Variants in KRT5 observed in about 807,000 individuals in gnomAD.
KRT5 encodes keratin, type II cytoskeletal 5.
A neutral mutation model predicts 44.0 loss-of-function variants in KRT5; 17 were observed. The observed-to-expected ratio is 0.39, with a 90% CI of 0.26 to 0.58. The LOEUF is 0.58. KRT5 is among the 20% of genes least tolerant of loss of function. The probability of loss-of-function intolerance (pLI) is 0.61; values close to 1 mark genes in which losing one functional copy is unlikely to be tolerated. For missense variants in KRT5, 737 were observed against 785.5 expected (o/e 0.94, Z 0.74); for synonymous variants, 329 against 312.8 (o/e 1.05, Z -0.55).
In KRT5 at chr12:52,515,040, G is replaced by A. The variant is rs754242209; in HGVS notation, c.1675C>T (p.Arg559Ter). 82 of 1,300,486 alleles carry A rather than the reference G, an allele frequency of 6.3e-5. No homozygotes were observed. The highest frequency in any genetic ancestry group is 7.5e-5 in the Non-Finnish European group (72 of 965,488). The allele number at this position is 1,300,486 out of a possible 1,614,324, so 80.6% of individuals were successfully genotyped here. A position where few individuals can be genotyped will look rare whatever the true frequency, so the allele number is the denominator to read the frequency against. ...CTGCCAAAGCCCACCCCCAGCCCTC[G>A]GCCACTGCTTGCACTGAAGCCAGAG... The part of the protein sequence containing the change: ...GGSGFSASSG[R>*]GLGVGFGSGG... The change falls in exon 9 of 9, where the codon CGA (arginine) becomes TGA (stop). Residue 559 changes from arginine to a stop codon, truncating the protein, a stop_gained. Transcript: ENST00000252242. LOFTEE classifies it high-confidence loss of function.
At chr12:52,517,002 G>T in intron 6 of KRT5, 105 bp downstream of exon 6, 1 of 1,507,452 alleles carries the variant, frequency 6.6e-7, no homozygotes, top group Non-Finnish European at 9.2e-7. Context: ...CACTGGTACT[G>T]GATCTAGCTG....
At chr12:52,518,887 C>T in intron 2 of KRT5, 59 bp downstream of exon 2, 1 of 1,602,630 alleles carries the variant, frequency 6.2e-7, no homozygotes, top group Non-Finnish European at 8.5e-7. Flanking sequence ...AGTAACAAAG[C>T]CCATCTGGTA....
intron 2 of KRT5, 109 bp downstream of exon 2, chr12:52,518,837 T>C (rs1199371896): frequency 7.7e-7 from 1 of 1,296,590 alleles, no homozygotes. Flanking sequence ...CCATGGAAGG[T>C]ATATCCTCCC....
intron 8 of KRT5, 94 bp from the exon 9 acceptor site, chr12:52,515,334 C>T: frequency 1.3e-6 from 2 of 1,540,828 alleles, no homozygotes; most frequent in South Asian, 2.2e-5. Flanking sequence ...GAGCACTCTA[C>T]TGGACCCCCT....
chr12:52,519,724 C>T lies in KRT5; in HGVS notation c.555+18G>A. 2 of 1,611,308 alleles carry T rather than the reference C, an allele frequency of 1.2e-6. No homozygotes were observed. The highest frequency in any genetic ancestry group is 1.7e-6 in the Non-Finnish European group (2 of 1,177,598). On this transcript the variant is annotated intron_variant, in intron 1 of 8. Transcript: ENST00000252242. Reference sequence around the variant, plus strand: ...ATTTCAGACCCACAGTGATTTTTTACAAAAGATCGTAGCTCACCTTGTCGA... The same window carrying T: ...ATTTCAGACCCACAGTGATTTTTTATAAAAGATCGTAGCTCACCTTGTCGA...
In KRT5 at chr12:52,516,703, T is replaced by G; in HGVS notation, c.1373A>C (p.Asn458Thr). The change falls in exon 7 of 9, where the codon AAC becomes ACC. Residue 458 changes from asparagine to threonine, a missense_variant. Asn to Thr is a moderately conservative substitution (Grantham distance 65). This residue lies in a region of KRT5 where 344 missense variants were observed against 351.6 expected (regional missense o/e 0.98). Coordinates refer to ENST00000252242, the MANE Select transcript of KRT5 (RefSeq NM_000424.4). ...RLLREYQELM[N>T]TKLALDVEIA... ...CTCCACGTCCAGGGCCAGCTTGGTG[T>G]TCATGAGCTCCTGGTACTCACGCAG... 1.2e-6 allele frequency: 2 copies of G among 1,614,192 alleles called. No individual in the cohort carries two copies. The highest frequency in any genetic ancestry group is 1.1e-5 in the South Asian group (1 of 91,084).
Position 52,520,148 on chromosome 12 carries a change from C to G in KRT5, c.149G>C (p.Ser50Thr), listed in dbSNP as rs199505033. Residue 50 changes from serine to threonine, a missense_variant, in exon 1 of 9, where the codon AGC (serine) becomes ACC (threonine). By Grantham distance (58) the Ser-to-Thr change is moderately conservative. Around this residue, in one of 5 missense-constraint regions of KRT5, gnomAD observed 326 missense variants for 333.1 expected, o/e 0.98. Coordinates refer to ENST00000252242, the MANE Select transcript of KRT5 (RefSeq NM_000424.4). ...GGGGGGFGRV[S>T]LAGACGVGGY... ...ACCCACTCCACAAGCACCCGCAAGG[C>G]TGACCCTGCCGAAGCCACCACCACC... The G allele has an allele frequency of 9.3e-6, 15 of 1,613,862 alleles. No individual in the cohort carries two copies. Among genetic ancestry groups the G allele is most frequent in the African/African-American group, 1.3e-5 (1 of 74,950 alleles).
chr12:52,515,364 G>A lies in KRT5; in HGVS notation c.1475-124C>T, dbSNP rs559917786. ...CCCCCTTTACAGAGTAGCAAACAAG[G>A]CCCGGAAGAACTGTCATTTAATTAA... On this transcript the variant is annotated intron_variant, in intron 8 of 8. Coordinates refer to ENST00000252242, the MANE Select transcript of KRT5 (RefSeq NM_000424.4). 395 of 1,370,338 alleles carry A rather than the reference G, an allele frequency of 2.9e-4. 6 individuals carry two copies. The South Asian group carries it at 4.2e-3, about 15-fold the overall frequency. The allele number at this position is 1,370,338 out of a possible 1,614,324, so 84.9% of individuals were successfully genotyped here.
At chr12:52,516,126 C>T (rs1193145982) in intron 7 of KRT5, 3 of 528,832 alleles carry the variant, frequency 5.7e-6, no homozygotes, top group Non-Finnish European at 1.0e-5. Flanking sequence ...GCAGTTTTTG[C>T]CTTGTAGGAG....
Position 52,514,963 on chromosome 12 carries a change from G to A in KRT5, c.1752C>T (p.Ser584=). 1 of 1,613,566 alleles carries A rather than the reference G, an allele frequency of 6.2e-7. No homozygotes were observed. The highest frequency in any genetic ancestry group is 8.5e-7 in the Non-Finnish European group (1 of 1,179,832). ...GTTCTTAGCTCTTGAAGCTCTTCCG[G>A]GAGGAGGAGGTGGTGGAGACAAATT... ...SVKFVSTTSS[S]RKSFKS The change falls in exon 9 of 9, where the codon TCC becomes TCT. Residue 584 remains serine, a synonymous_variant. Transcript: ENST00000252242.
chr12:52,518,930 C>G lies in KRT5; in HGVS notation c.770+16G>C. On this transcript the variant is annotated intron_variant, in intron 2 of 8. Coordinates refer to ENST00000252242, the MANE Select transcript of KRT5 (RefSeq NM_000424.4). ...GACACCACCCTCCCCTGTGTCCACC[C>G]TCCACCCCAACTCACTTGTTCTTGA... 1.2e-6 allele frequency: 2 copies of G among 1,614,194 alleles called. No individual in the cohort carries two copies. The highest frequency in any genetic ancestry group is 1.7e-6 in the Non-Finnish European group (2 of 1,180,018).
chr12:52,516,500 C>T, intron 7 of KRT5, 137 bp downstream of exon 7: 1 of 915,286 alleles, frequency 1.1e-6, no homozygotes, highest in Non-Finnish European at 1.8e-6. Flanking sequence ...GGCCATGAGT[C>T]AGACTGAAAT....
At chr12:52,518,472 T>A (rs1215960739) in intron 2 of KRT5, 1 of 600,658 alleles carries the variant, frequency 1.7e-6, no homozygotes. Context: ...TTCTCTAGTG[T>A]TCTTTTTTGA....
At chr12:52,516,922 G>C in intron 6 of KRT5, 65 bp from the exon 7 acceptor site, 1 of 1,589,636 alleles carries the variant, frequency 6.3e-7, no homozygotes, top group Non-Finnish European at 8.6e-7. Context: ...TGAGTTTCTG[G>C]GTCAGACAAA....
chr12:52,519,506 C>G (rs942288137), intron 1 of KRT5: 2 of 634,746 alleles, frequency 3.2e-6, no homozygotes, highest in African/African-American at 3.6e-5. Flanking sequence ...CTCTGTCCAA[C>G]AGTTGTTAAG....
intron 7 of KRT5, chr12:52,516,112 G>T (rs12228533): frequency 0.14 from 75,262 of 551,310 alleles, 5,677 homozygotes; most frequent in African/African-American, 0.18. Flanking sequence ...TGATTATGTC[G>T]AAAGCAGTTT....
At chr12:52,519,666 A>G (rs566854524) in intron 1 of KRT5, 76 bp downstream of exon 1, 2 of 1,469,790 alleles carry the variant, frequency 1.4e-6, no homozygotes, top group South Asian at 2.3e-5. Context: ...ACAAAGCCAA[A>G]ACATCTTCCT....
chr12:52,515,908 C>A (rs372436792), intron 7 of KRT5, 76 bp from the exon 8 acceptor site: 193 of 1,249,784 alleles, frequency 1.5e-4, no homozygotes, highest in Middle Eastern at 1.1e-3. Flanking sequence ...TAACTCCCAT[C>A]CTCATGATTC....
rs547253765 is a variant in KRT5 at position 52,517,873 on chromosome 12, G to A, written c.927+24C>T. On this transcript the variant is annotated intron_variant, in intron 4 of 8. Coordinates refer to ENST00000252242, the MANE Select transcript of KRT5 (RefSeq NM_000424.4). ...TTGAGGAAAAAAAACCCACCCATGT[G>A]AAAAATTTAGATAAGTTTCTTACCG... is the stretch of plus-strand genomic sequence containing the variant. 325 of 1,612,112 alleles carry A rather than the reference G, an allele frequency of 2.0e-4. 5 individuals are homozygous for A. In the South Asian group the frequency reaches 3.5e-3, roughly 17 times the overall value.
Sources: gnomAD v4.1 joint callset for allele counts on GRCh38, gnomAD v4.1.1 for gene constraint, gnomAD v4.1.1 regional missense constraint, MANE v1.5 for transcripts, NCBI Gene and HGNC (gene_info 2026-07-23, HGNC 2026-07-21) for gene names.